Variants in PKP4 observed in about 807,000 individuals in gnomAD.
PKP4 encodes plakophilin-4.
PKP4 carries 90 observed loss-of-function variants against 145.1 expected under a neutral mutation model. The observed-to-expected ratio is 0.62, with a 90% CI of 0.52 to 0.74. The LOEUF (loss-of-function observed/expected upper bound fraction) is 0.74. Ranked by LOEUF, PKP4 falls within the 30% of genes least tolerant of loss-of-function variation. PKP4 has a pLI of 0.00. For missense variants in PKP4, 1,340 were observed against 1,482.7 expected (o/e 0.90, Z 1.58); for synonymous variants, 563 against 577.2 (o/e 0.98, Z 0.35).
Position 158,663,092 on chromosome 2 carries a change from A to G in PKP4, c.2403+4A>G, listed in dbSNP as rs755023287. Reference sequence around the variant, plus strand: ...GAGGACTCCGCAAGAAGATCAAGTTAGCATTTTATTTTATATGAGACTCTC... The same window carrying G: ...GAGGACTCCGCAAGAAGATCAAGTTGGCATTTTATTTTATATGAGACTCTC... On this transcript the variant is annotated splice_donor_region_variant and intron_variant, in intron 14 of 21. Coordinates refer to ENST00000389759, the MANE Select transcript of PKP4 (RefSeq NM_003628.6). 1 of 1,592,370 alleles carries G rather than the reference A, an allele frequency of 6.3e-7. No individual in the cohort carries two copies. Among genetic ancestry groups the G allele is most frequent in the East Asian group, 2.2e-5 (1 of 44,644 alleles).
chr2:158,553,696 T>A (rs1397176625), intron 2 of PKP4, among the ~76,000 whole-genome samples: 1 of 152,194 alleles, frequency 6.6e-6, no homozygotes, highest in Non-Finnish European at 1.5e-5. Context: ...GCTCCTTTAT[T>A]CTTTACATTT....
chr2:158,504,133 A>G (rs1696983774), intron 1 of PKP4, among the ~76,000 whole-genome samples: 1 of 152,166 alleles, frequency 6.6e-6, no homozygotes, highest in African/African-American at 2.4e-5. Flanking sequence ...AAATGTATTT[A>G]GTGCTGACAA....
chr2:158,591,348 A>G (rs1008436745), intron 3 of PKP4, among the ~76,000 whole-genome samples: 1 of 152,060 alleles, frequency 6.6e-6, no homozygotes. Flanking sequence ...GTTATTTTTT[A>G]AAGTATCTAT....
chr2:158,625,286 C>T lies in PKP4; in HGVS notation c.1012C>T (p.Pro338Ser). The T allele has an allele frequency of 6.2e-7, 1 of 1,614,186 alleles. No homozygotes were observed. The highest frequency in any genetic ancestry group is 8.5e-7 in the Non-Finnish European group (1 of 1,180,026). ...CCAAGGCCAGGTGGGGTCGTCGTCC[C>T]CCAAACGCTCAGGGATGACCGCCGT... ...PSQGQVGSSS[P>S]KRSGMTAVPQ... Residue 338 changes from proline (P) to serine (S), a missense_variant, in exon 7 of 22, where the codon CCC becomes TCC. Coordinates refer to ENST00000389759, the MANE Select transcript of PKP4 (RefSeq NM_003628.6).
chr2:158,560,289 C>T (rs574180608), intron 2 of PKP4, among the ~76,000 whole-genome samples: 1 of 152,190 alleles, frequency 6.6e-6, no homozygotes, highest in African/African-American at 2.4e-5. Context: ...ATAAATAGAG[C>T]ATTATGGCTG....
intron 3 of PKP4, among the ~76,000 whole-genome samples, chr2:158,586,260 T>C (rs748133287): frequency 6.6e-6 from 1 of 152,180 alleles, no homozygotes; most frequent in Non-Finnish European, 1.5e-5. Flanking sequence ...ATCAAGAGCT[T>C]TGCTCTAGAC....
chr2:158,464,635 G>A (rs888319270), intron 1 of PKP4, among the ~76,000 whole-genome samples: 2 of 152,120 alleles, frequency 1.3e-5, no homozygotes, highest in African/African-American at 4.8e-5. Context: ...TCAATGTCAC[G>A]ATCAAAATAA....
chr2:158,604,477 G>A (rs1445300200), intron 4 of PKP4, among the ~76,000 whole-genome samples: 1 of 152,166 alleles, frequency 6.6e-6, no homozygotes, highest in East Asian at 1.9e-4. Flanking sequence ...GAACTGGTGG[G>A]AGGAAAAATT....
chr2:158,616,253 A>G (rs1046007010), intron 4 of PKP4, among the ~76,000 whole-genome samples: 5 of 152,226 alleles, frequency 3.3e-5, no homozygotes, highest in Non-Finnish European at 5.9e-5. Context: ...TGCTATAGAA[A>G]TAAATCTTGT....
In PKP4 at chr2:158,669,931, G is replaced by C; in HGVS notation, c.2924+16G>C. 1.3e-6 allele frequency: 2 copies of C among 1,596,656 alleles called. No homozygotes were observed. Among genetic ancestry groups the C allele is most frequent in the Non-Finnish European group, 1.7e-6 (2 of 1,168,760 alleles). On this transcript the variant is annotated intron_variant, in intron 17 of 21. Coordinates refer to ENST00000389759, the MANE Select transcript of PKP4 (RefSeq NM_003628.6). ...GGGGCGACAGGCAAGTCTGCGGCAA[G>C]GAGGTGCAAGCAGTGCTCTTATTCC...
At chr2:158,660,291 G>A (rs2056436029) in intron 12 of PKP4, 1 of 152,704 alleles carries the variant, frequency 6.5e-6, no homozygotes, top group African/African-American at 2.4e-5. Flanking sequence ...CAGGGCTAAA[G>A]GCAGATGTGT....
intron 1 of PKP4, among the ~76,000 whole-genome samples, chr2:158,513,286 C>T (rs1363717897): frequency 1.3e-5 from 2 of 152,112 alleles, no homozygotes; most frequent in Admixed American, 6.6e-5. Context: ...ATTTTCTTCT[C>T]TTAGAAGCAG....
chr2:158,511,934 T>TA, intron 1 of PKP4, among the ~76,000 whole-genome samples: 1 of 152,156 alleles, frequency 6.6e-6, no homozygotes. Flanking sequence ...AAATGGGTAG[T>TA]ATTAAAGCCA....
At chr2:158,461,550 A>C (rs553334427) in intron 1 of PKP4, among the ~76,000 whole-genome samples, 2 of 152,306 alleles carry the variant, frequency 1.3e-5, no homozygotes, top group Non-Finnish European at 2.9e-5. Context: ...ATGTGATTGC[A>C]AAGCATTTTT....
At position 158,507,438 on chromosome 2, in the gene PKP4, G is replaced by A. The variant is rs529837727; in HGVS notation, c.-5-25742G>A. The stretch of plus-strand genomic sequence containing the variant: ...CAGTGGTGAAGATCAACAGAGTACC[G>A]TGAAACCAGGACTCGGTCATGGCAA... On this transcript the variant is annotated intron_variant, in intron 1 of 21. Transcript: ENST00000389759. Among the ~76,000 whole-genome samples the A allele has an allele frequency of 1.6e-4, 24 of 152,292 alleles. No homozygotes were observed. In the South Asian group the frequency reaches 4.4e-3, roughly 28 times the overall value.
intron 1 of PKP4, among the ~76,000 whole-genome samples, chr2:158,514,406 A>G (rs1471155181): frequency 1.3e-5 from 2 of 152,240 alleles, no homozygotes; most frequent in African/African-American, 4.8e-5. Context: ...CTTTCTTCAA[A>G]AAGCTGTTTG....
chr2:158,624,710 C>T (rs1440906181), intron 6 of PKP4, among the ~76,000 whole-genome samples, 168 bp from the exon 7 acceptor site: 2 of 151,212 alleles, frequency 1.3e-5, no homozygotes, highest in East Asian at 1.9e-4. Flanking sequence ...ACTAAAGCAC[C>T]GTGAGGAAAA....
chr2:158,647,506 G>A (rs1413966451), intron 11 of PKP4, among the ~76,000 whole-genome samples: 1 of 152,024 alleles, frequency 6.6e-6, no homozygotes, highest in Non-Finnish European at 1.5e-5. Flanking sequence ...AAGATGCCTT[G>A]CCTTTGCTTT....
At chr2:158,593,705 A>T (rs937770269) in intron 3 of PKP4, among the ~76,000 whole-genome samples, 1 of 152,184 alleles carries the variant, frequency 6.6e-6, no homozygotes, top group East Asian at 1.9e-4. Flanking sequence ...GAGGCTGATC[A>T]TGATATTGTT....
Sources: allele counts gnomAD v4.1 joint callset (sites outside exome capture counted in the v4.1 genomes callset), GRCh38; gene constraint gnomAD v4.1.1; transcripts MANE v1.5; gene names NCBI Gene and HGNC (gene_info 2026-07-23, HGNC 2026-07-21).